The following PIK3C2G variants were observed in gnomAD, a reference collection of about 807,000 sequenced individuals.
The protein encoded by PIK3C2G is phosphatidylinositol 3-kinase C2 domain-containing subunit gamma.
PIK3C2G carries 168 observed loss-of-function variants against 181.1 expected under a neutral mutation model. The observed-to-expected ratio is 0.93, with a 90% confidence interval of 0.82 to 1.05. The LOEUF (loss-of-function observed/expected upper bound fraction) is 1.05, where lower values mean the gene tolerates loss of function less well. Among genes scored for constraint, PIK3C2G ranks in the 50% least tolerant of loss-of-function variants. The probability of loss-of-function intolerance (pLI) is 0.00; values close to 1 mark genes in which losing one functional copy is unlikely to be tolerated. For missense variants in PIK3C2G, 1,869 were observed against 1,732.8 expected, an observed-to-expected ratio of 1.08 and a Z score of -1.40; for synonymous variants, 573 against 592.2, an observed-to-expected ratio of 0.97 and a Z score of 0.47.
intron 8 of PIK3C2G, among the ~76,000 whole-genome samples, chr12:18,334,636 T>C (rs1247781447): frequency 6.6e-6 from 1 of 152,124 alleles, no homozygotes; most frequent in African/African-American, 2.4e-5. Context: ...TTTTTCTCTG[T>C]CTACATTCTC....
chr12:18,683,319 G>A, the PIK3C2G span: 15 of 1,612,052 alleles, frequency 9.3e-6, no homozygotes, highest in African/African-American at 6.7e-5. Flanking sequence ...GGAATACGAC[G>A]ATAACCTGCA....
At chr12:18,448,139 GCT>G (rs770375266) in intron 18 of PIK3C2G, among the ~76,000 whole-genome samples, 2 of 151,890 alleles carry the variant, frequency 1.3e-5, no homozygotes, top group African/African-American at 2.4e-5. Flanking sequence ...AGCAAAAAGT[GCT>G]TTTTTGATTA....
the PIK3C2G span, among the ~76,000 whole-genome samples, chr12:18,654,992 G>A: frequency 6.6e-6 from 1 of 151,780 alleles, no homozygotes; most frequent in Non-Finnish European, 1.5e-5. Flanking sequence ...ACCCATATAA[G>A]AAGCTGAATA....
At chr12:18,322,505 T>G (rs1164014785) in intron 7 of PIK3C2G, among the ~76,000 whole-genome samples, 2 of 152,074 alleles carry the variant, frequency 1.3e-5, no homozygotes, top group Non-Finnish European at 2.9e-5. Flanking sequence ...GTGAAGTTAT[T>G]ATATATTTAC....
intron 30 of PIK3C2G, among the ~76,000 whole-genome samples, chr12:18,608,885 T>C (rs1349627227): frequency 1.3e-5 from 2 of 152,022 alleles, no homozygotes; most frequent in Admixed American, 6.6e-5. Flanking sequence ...GGTATACAAA[T>C]AGATTTGGAT....
In PIK3C2G at chr12:18,362,744, T is replaced by C. The variant is rs776211279; in HGVS notation, c.1626-20T>C. 2.9e-5 allele frequency: 43 copies of C among 1,495,454 alleles called. No homozygotes were observed. The highest frequency in any genetic ancestry group is 3.7e-5 in the Non-Finnish European group (42 of 1,131,656). 92.6% of individuals were successfully genotyped at this position (1,495,454 alleles called of 1,614,324 possible). On this transcript the variant is annotated intron_variant, in intron 11 of 32. Transcript: ENST00000538779. ...TCTTTAAAGTGCTAAGCATATTGAA[T>C]TGATGTTGTTTCATTTTAGCTACAA...
chr12:18,693,603 A>G, the PIK3C2G span: 1 of 1,576,704 alleles, frequency 6.3e-7, no homozygotes, highest in Non-Finnish European at 8.7e-7. Flanking sequence ...GTTGCTGAAG[A>G]ACGTGCACCG....
chr12:18,458,551 T>C (rs1947748617), intron 18 of PIK3C2G, among the ~76,000 whole-genome samples: 1 of 151,984 alleles, frequency 6.6e-6, no homozygotes, highest in Non-Finnish European at 1.5e-5. Flanking sequence ...CCTAGCCAGA[T>C]CCCCTGCCCT....
intron 6 of PIK3C2G, chr12:18,320,020 T>C (rs1212485131): frequency 6.6e-6 from 1 of 152,224 alleles, no homozygotes; most frequent in East Asian, 1.9e-4. Context: ...TCCTTCTTCC[T>C]CTTCACAAAA....
intron 24 of PIK3C2G, among the ~76,000 whole-genome samples, chr12:18,519,741 G>A (rs1409440407): frequency 1.3e-5 from 2 of 152,020 alleles, no homozygotes; most frequent in Admixed American, 6.6e-5. Flanking sequence ...TGTTATGTGT[G>A]AATTTAATCC....
At chr12:18,486,077 A>C (rs1939999378) in intron 18 of PIK3C2G, among the ~76,000 whole-genome samples, 1 of 152,132 alleles carries the variant, frequency 6.6e-6, no homozygotes, top group African/African-American at 2.4e-5. Context: ...TGTGCCTGAA[A>C]ATACAGGAAT....
chr12:18,477,683 A>C (rs1160185106), intron 18 of PIK3C2G, among the ~76,000 whole-genome samples: 3 of 152,154 alleles, frequency 2.0e-5, no homozygotes, highest in Admixed American at 6.6e-5. Flanking sequence ...AGGACATCAA[A>C]CACAACTCCA....
chr12:18,435,329 T>C (rs1946390291), intron 18 of PIK3C2G, among the ~76,000 whole-genome samples: 1 of 152,142 alleles, frequency 6.6e-6, no homozygotes, highest in Non-Finnish European at 1.5e-5. Flanking sequence ...ATCATCTACT[T>C]GGACTATCAC....
At chr12:18,542,856 G>A (rs889384767) in intron 25 of PIK3C2G, among the ~76,000 whole-genome samples, 4 of 151,956 alleles carry the variant, frequency 2.6e-5, no homozygotes, top group Non-Finnish European at 5.9e-5. Context: ...TGTAAATAGT[G>A]CTGCAGTGAA....
chr12:18,249,428 T>A (rs1948073816), intron 1 of PIK3C2G, among the ~76,000 whole-genome samples: 1 of 152,192 alleles, frequency 6.6e-6, no homozygotes, highest in African/African-American at 2.4e-5. Context: ...CTTGCTTCTC[T>A]TTCTCCCTGA....
At chr12:18,673,416 C>G in the PIK3C2G span, among the ~76,000 whole-genome samples, 2 of 151,834 alleles carry the variant, frequency 1.3e-5, no homozygotes, top group Admixed American at 1.3e-4. Context: ...AGCCATTTCA[C>G]CAAGATATAC....
chr12:18,289,493 C>T (rs907997820), intron 3 of PIK3C2G, among the ~76,000 whole-genome samples: 1 of 152,178 alleles, frequency 6.6e-6, no homozygotes, highest in Non-Finnish European at 1.5e-5. Context: ...CAATCCCTAA[C>T]TGGACTCTAG....
chr12:18,436,355 G>A (rs1302980242), intron 18 of PIK3C2G, among the ~76,000 whole-genome samples: 1 of 151,978 alleles, frequency 6.6e-6, no homozygotes, highest in African/African-American at 2.4e-5. Flanking sequence ...ATGACCAGAT[G>A]GCAATCTGAT....
chr12:18,480,749 C>T lies in PIK3C2G; in HGVS notation c.2505-7700C>T, dbSNP rs146515045. Among the ~76,000 whole-genome samples the T allele has an allele frequency of 4.8e-3, 735 of 152,086 alleles. 3 individuals are homozygous for T. Among genetic ancestry groups the T allele is most frequent in the African/African-American group, 0.017 (693 of 41,504 alleles). Reference sequence around the variant, plus strand: ...TCTGCATAATTCACCCCTGAATTTGCGTATAATTAAAGGTGGATATAAATA... The same window carrying T: ...TCTGCATAATTCACCCCTGAATTTGTGTATAATTAAAGGTGGATATAAATA... On this transcript the variant is annotated intron_variant, in intron 18 of 32. Transcript: ENST00000538779.
Sources: gnomAD v4.1 joint callset for allele counts (sites outside exome capture counted in the v4.1 genomes callset) on GRCh38, gnomAD v4.1.1 for gene constraint, MANE v1.5 for transcripts, NCBI Gene and HGNC (gene_info 2026-07-23, HGNC 2026-07-21) for gene names.